Variants in SDC2 observed in about 807,000 individuals in gnomAD.
SDC2 encodes the protein syndecan-2.
Under a neutral mutation model 22.2 loss-of-function variants are expected in SDC2, and 13 were observed. The observed-to-expected ratio is 0.59, with a 90% CI of 0.38 to 0.93. SDC2 has a LOEUF of 0.93. Ranked by LOEUF, SDC2 falls within the 40% of genes least tolerant of loss-of-function variation. The pLI is 0.00. For synonymous variants in SDC2, 94 were observed against 92.8 expected (o/e 1.01, Z -0.07); for missense variants, 235 against 246.8 (o/e 0.95, Z 0.32).
chr8:96,584,642 C>T (rs1040883135), intron 1 of SDC2, among the ~76,000 whole-genome samples: 1 of 152,216 alleles, frequency 6.6e-6, no homozygotes, highest in Non-Finnish European at 1.5e-5. Flanking sequence ...GTTAGGCTCA[C>T]ACAGCTTCTG....
chr8:96,571,427 T>G (rs1814393568), intron 1 of SDC2, among the ~76,000 whole-genome samples: 1 of 152,212 alleles, frequency 6.6e-6, no homozygotes, highest in Admixed American at 6.5e-5. Context: ...TGAATACCAC[T>G]GCTCTGCATA....
At chr8:96,525,065 G>C (rs773583746) in intron 1 of SDC2, among the ~76,000 whole-genome samples, 3 of 152,170 alleles carry the variant, frequency 2.0e-5, no homozygotes, top group Non-Finnish European at 2.9e-5. Context: ...TGTACTTTCA[G>C]CTCATTCCAG....
At chr8:96,545,442 T>C (rs1223065657) in intron 1 of SDC2, among the ~76,000 whole-genome samples, 1 of 151,994 alleles carries the variant, frequency 6.6e-6, no homozygotes, top group East Asian at 1.9e-4. Context: ...CCATGACAGG[T>C]CAGTATTGGG....
intron 1 of SDC2, among the ~76,000 whole-genome samples, chr8:96,569,438 A>G (rs1364842296): frequency 2.0e-5 from 3 of 152,194 alleles, no homozygotes; most frequent in Non-Finnish European, 4.4e-5. Flanking sequence ...CACACTTAGC[A>G]GAGTATCTAC....
In SDC2 at chr8:96,608,480, C is replaced by T. The variant is rs1469445648; in HGVS notation, c.442+10C>T. The T allele has an allele frequency of 6.2e-7, 1 of 1,606,876 alleles. No individual in the cohort carries two copies. Among genetic ancestry groups the T allele is most frequent in the African/African-American group, 1.3e-5 (1 of 74,720 alleles). Reference sequence around the variant, plus strand: ...ACAGAAGTCCTAGCAGGTGAGTAGCCTGGTGGGCCTCAGGTGGGAGGGTGC... The same window carrying T: ...ACAGAAGTCCTAGCAGGTGAGTAGCTTGGTGGGCCTCAGGTGGGAGGGTGC... On this transcript the variant is annotated intron_variant, in intron 4 of 4. Coordinates refer to ENST00000302190, the MANE Select transcript of SDC2 (RefSeq NM_002998.4).
intron 1 of SDC2, among the ~76,000 whole-genome samples, chr8:96,505,201 A>G (rs559885564): frequency 6.6e-6 from 1 of 152,338 alleles, no homozygotes; most frequent in East Asian, 1.9e-4. Flanking sequence ...TAAAACTTGC[A>G]TACAAGTTGG....
chr8:96,553,788 T>G (rs2130544047), intron 1 of SDC2, among the ~76,000 whole-genome samples: 1 of 152,068 alleles, frequency 6.6e-6, no homozygotes, highest in African/African-American at 2.4e-5. Flanking sequence ...TTTTTTGTTT[T>G]GGAGACAGGA....
chr8:96,590,859 A>G (rs1814769040), intron 1 of SDC2, among the ~76,000 whole-genome samples: 1 of 152,144 alleles, frequency 6.6e-6, no homozygotes, highest in African/African-American at 2.4e-5. Flanking sequence ...CTTTAAACAC[A>G]TTAAACATCT....
intron 1 of SDC2, among the ~76,000 whole-genome samples, chr8:96,542,316 T>C (rs570480433): frequency 9.2e-5 from 14 of 152,314 alleles, no homozygotes; most frequent in African/African-American, 3.4e-4. Context: ...GCCCACATCA[T>C]TTTTCATCTT....
chr8:96,553,412 G>A (rs540046385), intron 1 of SDC2, among the ~76,000 whole-genome samples: 2 of 150,376 alleles, frequency 1.3e-5, no homozygotes, highest in South Asian at 4.2e-4. Context: ...TGGCTCAGAA[G>A]TTAATACATT....
chr8:96,578,252 A>C (rs548512562), intron 1 of SDC2, among the ~76,000 whole-genome samples: 24 of 152,340 alleles, frequency 1.6e-4, no homozygotes, highest in African/African-American at 5.5e-4. Context: ...TTCTCTTTAG[A>C]GCTGCACTGT....
At chr8:96,603,348 T>A (rs749101273) in intron 3 of SDC2, among the ~76,000 whole-genome samples, 5 of 152,204 alleles carry the variant, frequency 3.3e-5, no homozygotes, top group Non-Finnish European at 5.9e-5. Context: ...CTGTAAGCAT[T>A]AATTGAATTG....
chr8:96,556,774 G>A (rs1437637281), intron 1 of SDC2, among the ~76,000 whole-genome samples: 3 of 150,708 alleles, frequency 2.0e-5, no homozygotes, highest in African/African-American at 7.3e-5. Flanking sequence ...ATTGACAAAT[G>A]GGATCTAATT....
At chr8:96,509,584 C>G (rs1390706699) in intron 1 of SDC2, among the ~76,000 whole-genome samples, 1 of 112,366 alleles carries the variant, frequency 8.9e-6, no homozygotes, top group Non-Finnish European at 2.2e-5. Flanking sequence ...ACTTGGGGAG[C>G]TTTTAAAAAC....
intron 1 of SDC2, chr8:96,580,375 G>A (rs1814570363): frequency 1.0e-6 from 1 of 985,316 alleles, no homozygotes; most frequent in Non-Finnish European, 1.2e-6. Context: ...ATTTGCCAAA[G>A]CCAGGTATGT....
At chr8:96,507,393 A>G (rs1201045493) in intron 1 of SDC2, among the ~76,000 whole-genome samples, 1 of 152,248 alleles carries the variant, frequency 6.6e-6, no homozygotes, top group African/African-American at 2.4e-5. Flanking sequence ...TACATTTAGC[A>G]TCAGTGTGGT....
intron 1 of SDC2, among the ~76,000 whole-genome samples, chr8:96,528,772 A>AG (rs1813617481): frequency 6.6e-6 from 1 of 152,074 alleles, no homozygotes; most frequent in African/African-American, 2.4e-5. Flanking sequence ...GGCAGAGAGA[A>AG]AAACTGGAAA....
intron 1 of SDC2, among the ~76,000 whole-genome samples, chr8:96,587,578 A>G (rs963254853): frequency 6.6e-6 from 1 of 152,146 alleles, no homozygotes; most frequent in African/African-American, 2.4e-5. Flanking sequence ...ATGAATGACA[A>G]TTGGTGTACA....
chr8:96,498,226 A>C (rs1352447913), intron 1 of SDC2, among the ~76,000 whole-genome samples: 1 of 152,216 alleles, frequency 6.6e-6, no homozygotes, highest in East Asian at 1.9e-4. Context: ...TGAGCAAACC[A>C]GGCAGATATC....
Sources: gnomAD v4.1 joint callset for allele counts (sites outside exome capture counted in the v4.1 genomes callset) on GRCh38, gnomAD v4.1.1 for gene constraint, MANE v1.5 for transcripts, NCBI Gene and HGNC (gene_info 2026-07-23, HGNC 2026-07-21) for gene names.